Variants in CCDC7 observed in about 807,000 individuals in gnomAD.
CCDC7 encodes the protein coiled-coil domain-containing protein 7.
In CCDC7, 183 loss-of-function variants were observed where a neutral mutation model predicts 196.9. The observed-to-expected ratio is 0.93, with a 90% CI of 0.82 to 1.05. CCDC7 has a LOEUF of 1.05. Among genes scored for constraint, CCDC7 ranks in the 50% least tolerant of loss-of-function variants. The probability of loss-of-function intolerance (pLI) is 0.00; values close to 1 mark genes in which losing one functional copy is unlikely to be tolerated. For synonymous variants in CCDC7, 525 were observed against 484.6 expected, an observed-to-expected ratio of 1.08 and a Z score of -1.10; for missense variants, 1,540 against 1,482.2, an observed-to-expected ratio of 1.04 and a Z score of -0.64.
intron 31 of CCDC7, among the ~76,000 whole-genome samples, chr10:32,817,370 C>A (rs527748732): frequency 4.6e-5 from 7 of 152,158 alleles, no homozygotes; most frequent in African/African-American, 1.7e-4. Flanking sequence ...ATTGGTGTAC[C>A]CGAAAGTGAC....
chr10:32,737,896 A>G (rs1180279452), intron 28 of CCDC7, among the ~76,000 whole-genome samples: 1 of 152,026 alleles, frequency 6.6e-6, no homozygotes, highest in Non-Finnish European at 1.5e-5. Context: ...TTTACTTTTA[A>G]TCTTATCATT....
intron 31 of CCDC7, among the ~76,000 whole-genome samples, chr10:32,821,207 A>G (rs2135590554): frequency 6.6e-6 from 1 of 152,384 alleles, no homozygotes; most frequent in South Asian, 2.1e-4. Flanking sequence ...GGACACATGA[A>G]AAAATGCTCA....
At chr10:32,542,605 C>T (rs111588093) in intron 11 of CCDC7, among the ~76,000 whole-genome samples, 1 of 137,008 alleles carries the variant, frequency 7.3e-6, no homozygotes, top group African/African-American at 2.8e-5. Flanking sequence ...TGCATTCCAG[C>T]CTGGACAACA....
intron 20 of CCDC7, among the ~76,000 whole-genome samples, chr10:32,636,379 T>G (rs2065640197): frequency 6.6e-6 from 1 of 151,792 alleles, no homozygotes; most frequent in Non-Finnish European, 1.5e-5. Context: ...TCCCTCCCCC[T>G]ACCCCCACAC....
exon 2 of CCDC7, chr10:32,453,344 G>A: frequency 2.7e-6 from 4 of 1,488,490 alleles, no homozygotes; most frequent in Non-Finnish European, 3.6e-6. Flanking sequence ...TTTTTTACAG[G>A]TTGTTTCCAC....
intron 18 of CCDC7, among the ~76,000 whole-genome samples, chr10:32,600,416 G>GAGAC (rs1229346307): frequency 6.6e-6 from 1 of 151,966 alleles, no homozygotes; most frequent in Non-Finnish European, 1.5e-5. Flanking sequence ...TTTGTAACCT[G>GAGAC]AGACTTTACT....
intron 11 of CCDC7, among the ~76,000 whole-genome samples, chr10:32,526,887 A>C (rs1015152326): frequency 2.0e-5 from 3 of 152,152 alleles, no homozygotes; most frequent in African/African-American, 4.8e-5. Context: ...GGGTGGCACA[A>C]GCATTCCCTT....
chr10:32,851,136 CT>C (rs1296196659), intron 39 of CCDC7, among the ~76,000 whole-genome samples: 2 of 151,936 alleles, frequency 1.3e-5, no homozygotes, highest in African/African-American at 4.8e-5. Flanking sequence ...CTTAGTTCTG[CT>C]TTTACTACTT....
intron 11 of CCDC7, among the ~76,000 whole-genome samples, chr10:32,529,825 C>A (rs190473132): frequency 6.6e-6 from 1 of 152,064 alleles, no homozygotes; most frequent in African/African-American, 2.4e-5. Context: ...CTTTTGGGTT[C>A]TTGGTTATGA....
intron 23 of CCDC7, among the ~76,000 whole-genome samples, chr10:32,693,568 A>G (rs2077333917): frequency 6.6e-6 from 1 of 152,152 alleles, no homozygotes; most frequent in African/African-American, 2.4e-5. Flanking sequence ...CACATTATTT[A>G]CCATATGTAC....
intron 20 of CCDC7, among the ~76,000 whole-genome samples, chr10:32,662,415 CCTT>C (rs1490893238): frequency 5.9e-5 from 9 of 152,140 alleles, no homozygotes; most frequent in Non-Finnish European, 1.3e-4. Context: ...ATTGGTGTAA[CCTT>C]CTATTTGACC....
At chr10:32,840,688 AG>A (rs2092918587) in intron 33 of CCDC7, among the ~76,000 whole-genome samples, 2 of 151,950 alleles carry the variant, frequency 1.3e-5, no homozygotes, top group African/African-American at 4.8e-5. Context: ...AAACCAGGGA[AG>A]GACATAACAA....
At chr10:32,829,641 T>C (rs1172113063) in intron 32 of CCDC7, among the ~76,000 whole-genome samples, 1 of 152,190 alleles carries the variant, frequency 6.6e-6, no homozygotes, top group Non-Finnish European at 1.5e-5. Flanking sequence ...TTATTGCCTT[T>C]ATTTGAAGAT....
At chr10:32,483,361 A>T (rs982239962) in intron 8 of CCDC7, among the ~76,000 whole-genome samples, 3 of 151,992 alleles carry the variant, frequency 2.0e-5, no homozygotes, top group Non-Finnish European at 2.9e-5. Context: ...TTTCTTCTAA[A>T]TTTGTTTGAG....
chr10:32,520,134 T>C (rs1274858003), intron 11 of CCDC7, among the ~76,000 whole-genome samples: 1 of 152,086 alleles, frequency 6.6e-6, no homozygotes, highest in Non-Finnish European at 1.5e-5. Flanking sequence ...GACACAGAGG[T>C]TGCTTCCAAA....
chr10:32,756,586 A>G (rs1474145973), intron 28 of CCDC7, among the ~76,000 whole-genome samples: 1 of 152,270 alleles, frequency 6.6e-6, no homozygotes, highest in African/African-American at 2.4e-5. Flanking sequence ...CTGCCTTACA[A>G]GAGCTACTGA....
At chr10:32,564,042 A>G (rs1408898151) in intron 13 of CCDC7, among the ~76,000 whole-genome samples, 3 of 152,212 alleles carry the variant, frequency 2.0e-5, no homozygotes, top group African/African-American at 7.2e-5. Flanking sequence ...CAAAAAACAC[A>G]TGAAAAAATG....
intron 18 of CCDC7, among the ~76,000 whole-genome samples, chr10:32,631,452 C>T (rs964745538): frequency 2.0e-5 from 3 of 152,096 alleles, no homozygotes; most frequent in Non-Finnish European, 4.4e-5. Context: ...GAAAAAATTG[C>T]TTGGCCATAA....
intron 21 of CCDC7, among the ~76,000 whole-genome samples, chr10:32,675,987 C>T (rs2074896017): frequency 6.6e-6 from 1 of 151,572 alleles, no homozygotes; most frequent in African/African-American, 2.4e-5. Flanking sequence ...TCCAACTATA[C>T]TACAAGGCTA....
Sources: allele counts gnomAD v4.1 joint callset (sites outside exome capture counted in the v4.1 genomes callset), GRCh38; gene constraint gnomAD v4.1.1; transcripts MANE v1.5; gene names NCBI Gene and HGNC (gene_info 2026-07-23, HGNC 2026-07-21).